The following HPS3 variants were observed in gnomAD, a reference collection of about 807,000 sequenced individuals.
The protein encoded by HPS3 is HPS3 biogenesis of lysosomal organelles complex 2 subunit 1, also known as BLOC-2 complex member HPS3.
A neutral mutation model predicts 110.9 loss-of-function variants in HPS3; 79 were observed. That is an observed-to-expected ratio of 0.71 (90% CI 0.59 to 0.86). The LOEUF is 0.86. Among genes scored for constraint, HPS3 ranks in the 40% least tolerant of loss-of-function variants. The pLI, the probability that HPS3 is intolerant of heterozygous loss-of-function variation, is 0.00. For missense variants in HPS3, 1,197 were observed against 1,206.2 expected (o/e 0.99, Z 0.11); for synonymous variants, 428 against 451.0 (o/e 0.95, Z 0.65).
chr3:149,141,751 G>A (rs1722488506), intron 4 of HPS3, among the ~76,000 whole-genome samples: 1 of 151,712 alleles, frequency 6.6e-6, no homozygotes, highest in Non-Finnish European at 1.5e-5. Flanking sequence ...TGGGCAGGAT[G>A]GTCTCGATCT....
At chr3:149,130,287 CA>C (rs1307571208) in intron 1 of HPS3, 9 of 365,842 alleles carry the variant, frequency 2.5e-5, no homozygotes, top group East Asian at 5.7e-5. Context: ...AAAGACTTAC[CA>C]AAAAAACAAG....
At chr3:149,167,856 C>T (rs1198833131) in intron 15 of HPS3, 37 bp from the exon 16 acceptor site, 3 of 1,187,310 alleles carry the variant, frequency 2.5e-6, no homozygotes, top group African/African-American at 1.5e-5. Context: ...GAATAAAATG[C>T]ATCAAACTAA....
chr3:149,155,216 G>C lies in HPS3; in HGVS notation c.1509+1G>C. On this transcript the variant is annotated splice_donor_variant, in intron 8 of 16. Coordinates refer to ENST00000296051, the MANE Select transcript of HPS3 (RefSeq NM_032383.5). LOFTEE classifies it high-confidence loss of function. ...ACCAGTGCAGCTGTACAAAGAGATG[G>C]TACTCTTTTCAAACTTCTGATTCTT... 1 of 1,419,574 alleles carries C rather than the reference G, an allele frequency of 7.0e-7. No homozygotes were observed. Among genetic ancestry groups the C allele is most frequent in the Non-Finnish European group, 1.0e-6 (1 of 1,003,192 alleles). 87.9% of individuals were successfully genotyped at this position (1,419,574 alleles called of 1,614,324 possible). A position where few individuals can be genotyped will look rare whatever the true frequency, so the allele number is the denominator to read the frequency against.
In HPS3 at chr3:149,140,503, ATAAT is replaced by A; in HGVS notation, c.712+6_712+9del. The A allele has an allele frequency of 6.2e-7, 1 of 1,614,100 alleles. No individual in the cohort carries two copies. The highest frequency in any genetic ancestry group is 1.1e-5 in the South Asian group (1 of 91,068). ...GAATAAGACGGACAGAAGAAGGTAAATAATGAATTTGACTTGCTTTCTTGTTTTA... is the reference window on the plus strand; with the variant it reads ...GAATAAGACGGACAGAAGAAGGTAAAGAATTTGACTTGCTTTCTTGTTTTA... On this transcript the variant is annotated splice_donor_region_variant and intron_variant, in intron 2 of 16. Transcript: ENST00000296051.
At chr3:149,144,214 G>GAA (rs59146279) in intron 4 of HPS3, among the ~76,000 whole-genome samples, 2,909 of 123,584 alleles carry the variant, frequency 0.024, 121 homozygotes, top group African/African-American at 0.08. Flanking sequence ...GTCTCTACTA[G>GAA]AAAAAAAAAA....
chr3:149,153,401 G>A, intron 6 of HPS3, 93 bp from the exon 7 acceptor site: 1 of 1,112,012 alleles, frequency 9.0e-7, no homozygotes, highest in South Asian at 1.3e-5. Flanking sequence ...GGTGGCAGCA[G>A]AAGAGATTTG....
Position 149,139,995 on chromosome 3 carries a change from C to T in HPS3, c.218-9C>T, listed in dbSNP as rs1440145724. On this transcript the variant is annotated splice_polypyrimidine_tract_variant and intron_variant, in intron 1 of 16. Transcript: ENST00000296051. ...ACAAATTCTCAGTATAATCTTCATT[C>T]CTTCTCAGGAGATTATTTGGTAGCA... The T allele has an allele frequency of 2.5e-6, 4 of 1,610,606 alleles. No individual in the cohort carries two copies. The East Asian group carries it at 6.7e-5, about 27-fold the overall frequency.
At chr3:149,139,718 G>C (rs1017686482) in intron 1 of HPS3, among the ~76,000 whole-genome samples, 1 of 152,164 alleles carries the variant, frequency 6.6e-6, no homozygotes, top group Non-Finnish European at 1.5e-5. Context: ...TAGAGCTACA[G>C]TAAACACTTA....
chr3:149,157,344 G>T lies in HPS3; in HGVS notation c.1510-6G>T, dbSNP rs1291160275. ...AGCAACATTAGTGTTTGTCTTTTTT[G>T]TTTAGGTAGACTATAGCAATACCTA... On this transcript the variant is annotated splice_region_variant and splice_polypyrimidine_tract_variant and intron_variant, in intron 8 of 16. Coordinates refer to ENST00000296051, the MANE Select transcript of HPS3 (RefSeq NM_032383.5). The T allele has an allele frequency of 1.2e-6, 2 of 1,611,926 alleles. No homozygotes were observed. The highest frequency in any genetic ancestry group is 2.2e-5 in the South Asian group (2 of 90,990).
At chr3:149,169,112 C>A (rs550729202) in intron 16 of HPS3, among the ~76,000 whole-genome samples, 93 of 151,846 alleles carry the variant, frequency 6.1e-4, no homozygotes, top group African/African-American at 2.0e-3. Flanking sequence ...GACTGTAATA[C>A]CTCAAGAGCT....
intron 5 of HPS3, among the ~76,000 whole-genome samples, chr3:149,148,948 C>T (rs996757092): frequency 3.7e-5 from 5 of 133,382 alleles, no homozygotes; most frequent in African/African-American, 1.4e-4. Context: ...GGGAACCCTG[C>T]CTTTTTTTTT....
At chr3:149,171,864 C>T (rs1027978042) in intron 16 of HPS3, among the ~76,000 whole-genome samples, 4 of 151,922 alleles carry the variant, frequency 2.6e-5, no homozygotes, top group Admixed American at 6.6e-5. Flanking sequence ...GCCACCATGC[C>T]CGGCTAATTT....
chr3:149,144,708 G>A (rs1722686028), intron 4 of HPS3, among the ~76,000 whole-genome samples: 1 of 152,150 alleles, frequency 6.6e-6, no homozygotes, highest in African/African-American at 2.4e-5. Flanking sequence ...GTTGGTAGAT[G>A]GAAATCTATG....
At chr3:149,151,548 A>G (rs1196075796) in intron 6 of HPS3, among the ~76,000 whole-genome samples, 1 of 147,704 alleles carries the variant, frequency 6.8e-6, no homozygotes, top group African/African-American at 2.5e-5. Context: ...TGGTAGATCA[A>G]TAATCTCATT....
chr3:149,136,510 A>G (rs1388064799), intron 1 of HPS3, among the ~76,000 whole-genome samples: 2 of 152,138 alleles, frequency 1.3e-5, no homozygotes, highest in Admixed American at 1.3e-4. Context: ...CTGGGCAAAG[A>G]ACATAAACTT....
intron 1 of HPS3, among the ~76,000 whole-genome samples, chr3:149,130,936 C>A (rs1017505951): frequency 6.6e-6 from 1 of 152,090 alleles, no homozygotes; most frequent in South Asian, 2.1e-4. Context: ...TCCTTTAATA[C>A]ACTTACCTTC....
rs764013864 is a variant in HPS3, at chr3:149,163,881, G to A, written c.2521G>A (p.Val841Ile). The change falls in exon 14 of 17, where the codon GTT becomes ATT. Residue 841 changes from valine (V) to isoleucine (I), a missense_variant. Physicochemically the swap from Val to Ile is conservative, Grantham distance 29. Coordinates refer to ENST00000296051, the MANE Select transcript of HPS3 (RefSeq NM_032383.5). ...CSHYGLIYPW[V>I]HVVISSDSLA... ...TCATTATGGCTTAATTTATCCATGG[G>A]TTCACGTCGTAATATCATCTGATTC... 6.3e-7 allele frequency: 1 copy of A among 1,585,120 alleles called. No individual in the cohort carries two copies. The highest frequency in any genetic ancestry group is 2.2e-5 in the East Asian group (1 of 44,610).
chr3:149,130,902 T>C (rs1721721425), intron 1 of HPS3, among the ~76,000 whole-genome samples: 1 of 152,180 alleles, frequency 6.6e-6, no homozygotes, highest in African/African-American at 2.4e-5. Context: ...CCCTTTTAGA[T>C]TACAGAAGAA....
chr3:149,145,616 C>T, intron 5 of HPS3, 70 bp downstream of exon 5: 1 of 1,176,798 alleles, frequency 8.5e-7, no homozygotes, highest in Non-Finnish European at 1.3e-6. Flanking sequence ...CTTCCTAAAT[C>T]TGTGAGAATT....
Sources: gnomAD v4.1 joint callset for allele counts (sites outside exome capture counted in the v4.1 genomes callset) on GRCh38, gnomAD v4.1.1 for gene constraint, MANE v1.5 for transcripts, NCBI Gene and HGNC (gene_info 2026-07-23, HGNC 2026-07-21) for gene names.